Variants in DPH6 observed in about 807,000 individuals in gnomAD.
DPH6 encodes the protein diphthamine biosynthesis 6.
DPH6 carries 33 observed loss-of-function variants against 38.2 expected under a neutral mutation model. The observed-to-expected ratio is 0.86, with a 90% CI of 0.65 to 1.15. The LOEUF is 1.15. Ranked by LOEUF, DPH6 falls within the 50% of genes most tolerant of loss-of-function variation. The probability of loss-of-function intolerance (pLI) is 0.00; values close to 1 mark genes in which losing one functional copy is unlikely to be tolerated. For synonymous variants in DPH6, 108 were observed against 103.0 expected, an observed-to-expected ratio of 1.05 and a Z score of -0.30; for missense variants, 325 against 320.0, an observed-to-expected ratio of 1.02 and a Z score of -0.12.
chr15:35,368,231 A>G (rs991674369), downstream of DPH6, among the ~76,000 whole-genome samples: 6 of 151,884 alleles, frequency 4.0e-5, no homozygotes, highest in African/African-American at 1.4e-4. Context: ...TTAAAAAGAG[A>G]AGAAGAAAGG....
At chr15:35,150,341 C>G in the DPH6 span, among the ~76,000 whole-genome samples, 45 of 152,206 alleles carry the variant, frequency 3.0e-4, no homozygotes, top group East Asian at 8.3e-3. Context: ...AAAGGAGGGG[C>G]TTGAGAATAA....
At chr15:35,337,479 G>A (rs57092374) in intron 3 of DPH6, among the ~76,000 whole-genome samples, 3 of 152,112 alleles carry the variant, frequency 2.0e-5, no homozygotes, top group Non-Finnish European at 4.4e-5. Flanking sequence ...TACAAGGGAC[G>A]TGAAGGACCT....
chr15:35,263,382 T>C (rs2140420293), intron 3 of DPH6, among the ~76,000 whole-genome samples: 1 of 150,652 alleles, frequency 6.6e-6, no homozygotes, highest in East Asian at 2.0e-4. Flanking sequence ...CAAGAAAACA[T>C]TTTAACATAA....
At chr15:35,434,982 C>A (rs2053678967) in intron 5 of DPH6, among the ~76,000 whole-genome samples, 2 of 151,688 alleles carry the variant, frequency 1.3e-5, no homozygotes, top group Non-Finnish European at 2.9e-5. Flanking sequence ...CCATGTTGCC[C>A]AAGCTGATCT....
At chr15:35,352,452 C>T (rs1472043795) in intron 3 of DPH6, among the ~76,000 whole-genome samples, 1 of 152,116 alleles carries the variant, frequency 6.6e-6, no homozygotes, top group Non-Finnish European at 1.5e-5. Flanking sequence ...CACAACAGGC[C>T]CCGGTGTGTG....
At chr15:35,442,821 T>A (rs980878092) in intron 5 of DPH6, among the ~76,000 whole-genome samples, 3 of 152,158 alleles carry the variant, frequency 2.0e-5, no homozygotes, top group African/African-American at 7.2e-5. Context: ...TAGGCAAATC[T>A]ATAAAGATAT....
intron 3 of DPH6, among the ~76,000 whole-genome samples, chr15:35,221,579 T>C (rs992006896): frequency 1.3e-5 from 2 of 152,186 alleles, no homozygotes; most frequent in African/African-American, 4.8e-5. Context: ...GCAGGACCAC[T>C]GGTTTTGCCC....
chr15:35,167,300 A>G, the DPH6 span, among the ~76,000 whole-genome samples: 7 of 152,012 alleles, frequency 4.6e-5, no homozygotes, highest in Non-Finnish European at 8.8e-5. Flanking sequence ...TTTCACATAG[A>G]TTATCTCAGT....
At chr15:35,488,781 G>GGA (rs1595409698) in intron 3 of DPH6, among the ~76,000 whole-genome samples, 1 of 152,062 alleles carries the variant, frequency 6.6e-6, no homozygotes, top group African/African-American at 2.4e-5. Flanking sequence ...GATGAGGAAA[G>GGA]GAAATTATAA....
intron 3 of DPH6, among the ~76,000 whole-genome samples, chr15:35,466,417 T>C (rs973546826): frequency 3.3e-5 from 5 of 152,184 alleles, no homozygotes; most frequent in African/African-American, 1.2e-4. Context: ...GGGTTTAACC[T>C]GTTCAGAAGC....
chr15:35,372,432 G>A, intron 8 of DPH6: 1 of 324,580 alleles, frequency 3.1e-6, no homozygotes, highest in Non-Finnish European at 5.6e-6. Context: ...TAGAATGGCT[G>A]GAATGCCTAC....
chr15:35,167,420 T>G, the DPH6 span, among the ~76,000 whole-genome samples: 1 of 150,286 alleles, frequency 6.7e-6, no homozygotes, highest in Non-Finnish European at 1.5e-5. Context: ...AAAAGATATG[T>G]CACTCTAACT....
chr15:35,157,847 A>G, the DPH6 span, among the ~76,000 whole-genome samples: 4 of 152,094 alleles, frequency 2.6e-5, no homozygotes, highest in Admixed American at 1.3e-4. Flanking sequence ...AGCCTAGAGA[A>G]AGAAAGCCTA....
At chr15:35,344,794 T>C (rs1459396637) in intron 3 of DPH6, among the ~76,000 whole-genome samples, 2 of 151,848 alleles carry the variant, frequency 1.3e-5, no homozygotes, top group Non-Finnish European at 3.0e-5. Context: ...AGTTAAAGAA[T>C]GTGCAAAAAT....
chr15:35,464,718 A>G (rs1329431572), intron 3 of DPH6, among the ~76,000 whole-genome samples: 1 of 152,210 alleles, frequency 6.6e-6, no homozygotes, highest in African/African-American at 2.4e-5. Flanking sequence ...TCATAGTCCT[A>G]TTCTAATCAC....
rs370778768 is a variant in DPH6 at position 35,246,073 on chromosome 15, G to T, written n.201-25491C>A. ...CACCTTGTGACCCCTGCCCCTGCCA[G>T]CCAGAGAACAACCCCTTTGACTGTA... On this transcript the variant is annotated intron_variant and non_coding_transcript_variant, in intron 3 of 3. Transcript: ENST00000560386. Among the ~76,000 whole-genome samples, 7 of 152,266 alleles carry T rather than the reference G, an allele frequency of 4.6e-5. No homozygotes were observed. In the East Asian group the frequency reaches 1.2e-3, roughly 25 times the overall value.
chr15:35,529,550 A>G (rs2055056106), intron 3 of DPH6, among the ~76,000 whole-genome samples: 1 of 151,984 alleles, frequency 6.6e-6, no homozygotes, highest in Admixed American at 6.6e-5. Flanking sequence ...CCCAAATGGG[A>G]TTTTTTCACC....
intron 3 of DPH6, among the ~76,000 whole-genome samples, chr15:35,228,347 A>C (rs903791073): frequency 2.6e-5 from 4 of 152,222 alleles, no homozygotes; most frequent in Non-Finnish European, 5.9e-5. Flanking sequence ...TCTACGTAGG[A>C]TACGAGTAGT....
intron 6 of DPH6, among the ~76,000 whole-genome samples, chr15:35,390,804 G>A (rs902859950): frequency 3.3e-5 from 5 of 152,000 alleles, no homozygotes; most frequent in East Asian, 1.9e-4. Flanking sequence ...CCTTTAGCTC[G>A]GAGTAGTTTG....
Sources: gnomAD v4.1 joint callset for allele counts (sites outside exome capture counted in the v4.1 genomes callset) on GRCh38, gnomAD v4.1.1 for gene constraint, MANE v1.5 for transcripts, NCBI Gene and HGNC (gene_info 2026-07-23, HGNC 2026-07-21) for gene names.